RORB: variants seen among roughly 807,000 people sequenced by gnomAD.
RORB encodes the protein RAR related orphan receptor B, also known as nuclear receptor ROR-beta.
Under a neutral mutation model 59.1 loss-of-function variants are expected in RORB, and 6 were observed. That is an observed-to-expected ratio of 0.10 (90% CI 0.06 to 0.20). The LOEUF (loss-of-function observed/expected upper bound fraction) is 0.20. RORB is among the 10% of genes least tolerant of loss of function. RORB has a pLI of 1.00. For synonymous variants in RORB, 215 were observed against 204.5 expected, an observed-to-expected ratio of 1.05 and a Z score of -0.44; for missense variants, 320 against 560.5, an observed-to-expected ratio of 0.57 and a Z score of 4.33.
intron 1 of RORB, among the ~76,000 whole-genome samples, chr9:74,564,825 A>C (rs1016232734): frequency 6.6e-6 from 1 of 152,242 alleles, no homozygotes; most frequent in South Asian, 2.1e-4. Flanking sequence ...TGGGATCTCA[A>C]TTTCTCAGTT....
At chr9:74,580,006 G>T (rs1375808745) in intron 1 of RORB, among the ~76,000 whole-genome samples, 1 of 152,060 alleles carries the variant, frequency 6.6e-6, no homozygotes, top group Non-Finnish European at 1.5e-5. Flanking sequence ...TGTTATAATT[G>T]TTCTATTTTA....
At chr9:74,533,007 A>G (rs1448314599) in intron 1 of RORB, among the ~76,000 whole-genome samples, 1 of 151,706 alleles carries the variant, frequency 6.6e-6, no homozygotes, top group Non-Finnish European at 1.5e-5. Context: ...CCACTCCCAT[A>G]AGGCAGCACA....
intron 1 of RORB, among the ~76,000 whole-genome samples, chr9:74,546,955 A>G (rs1487373792): frequency 6.6e-6 from 1 of 152,092 alleles, no homozygotes; most frequent in African/African-American, 2.4e-5. Context: ...TTAGCCAGGC[A>G]TGGTGGCGCG....
chr9:74,517,060 T>G (rs1826020729), intron 1 of RORB, among the ~76,000 whole-genome samples: 1 of 151,966 alleles, frequency 6.6e-6, no homozygotes, highest in African/African-American at 2.4e-5. Context: ...CTTTTCAAGA[T>G]TCTTCCAAGA....
At chr9:74,646,363 T>G (rs892367642) in intron 4 of RORB, among the ~76,000 whole-genome samples, 1 of 152,094 alleles carries the variant, frequency 6.6e-6, no homozygotes, top group Non-Finnish European at 1.5e-5. Context: ...ATAACACAAC[T>G]ATATGAGCAA....
chr9:74,595,650 C>G (rs1008226272), intron 1 of RORB, among the ~76,000 whole-genome samples: 2 of 152,150 alleles, frequency 1.3e-5, no homozygotes, highest in African/African-American at 4.8e-5. Context: ...AATTGTTTTG[C>G]CGGTTTACCA....
intron 1 of RORB, among the ~76,000 whole-genome samples, chr9:74,616,698 C>T (rs1338852286): frequency 6.6e-6 from 1 of 152,080 alleles, no homozygotes; most frequent in Non-Finnish European, 1.5e-5. Flanking sequence ...GGGTCTGAAT[C>T]ACAATAAGCA....
At chr9:74,545,244 CA>C (rs1252699288) in intron 1 of RORB, among the ~76,000 whole-genome samples, 1 of 151,982 alleles carries the variant, frequency 6.6e-6, no homozygotes, top group Non-Finnish European at 1.5e-5. Flanking sequence ...TTTTGTGCCT[CA>C]AAAGAGATCT....
intron 1 of RORB, among the ~76,000 whole-genome samples, chr9:74,609,343 T>C (rs373036000): frequency 6.6e-6 from 1 of 152,236 alleles, no homozygotes. Context: ...CATTGCTTTT[T>C]TCTCCATCAT....
chr9:74,516,055 C>A (rs934110508), intron 1 of RORB, among the ~76,000 whole-genome samples: 2 of 152,048 alleles, frequency 1.3e-5, no homozygotes, highest in African/African-American at 4.8e-5. Context: ...CCTAGGGAGG[C>A]TAGTTACAAT....
intron 1 of RORB, among the ~76,000 whole-genome samples, chr9:74,553,912 T>C (rs2118172420): frequency 6.6e-6 from 1 of 152,282 alleles, no homozygotes; most frequent in East Asian, 1.9e-4. Context: ...ACTTTAGAAC[T>C]TGAAGATCTC....
chr9:74,580,508 G>A (rs897312747), intron 1 of RORB, among the ~76,000 whole-genome samples: 2 of 152,072 alleles, frequency 1.3e-5, no homozygotes, highest in South Asian at 2.1e-4. Flanking sequence ...AGTCTCATTG[G>A]TACACTAATT....
At chr9:74,574,745 C>T (rs1822605932) in intron 1 of RORB, among the ~76,000 whole-genome samples, 1 of 152,160 alleles carries the variant, frequency 6.6e-6, no homozygotes, top group Middle Eastern at 3.4e-3. Flanking sequence ...ACTAGTCATA[C>T]GATTGAGAAT....
chr9:74,499,763 G>A (rs974072367), intron 1 of RORB, among the ~76,000 whole-genome samples: 1 of 151,906 alleles, frequency 6.6e-6, no homozygotes, highest in Non-Finnish European at 1.5e-5. Context: ...GGTTTCCCCC[G>A]TCCCAGTCCA....
chr9:74,623,616 G>T (rs971608330), intron 1 of RORB, among the ~76,000 whole-genome samples: 5 of 152,082 alleles, frequency 3.3e-5, no homozygotes, highest in Non-Finnish European at 4.4e-5. Context: ...ACAGAACAGT[G>T]CTTCTCAAAC....
At position 74,674,570 on chromosome 9, in the gene RORB, A is replaced by G. The variant is rs541047211; in HGVS notation, c.1224+2669A>G. Among the ~76,000 whole-genome samples, 32 of 152,322 alleles carry G rather than the reference A, an allele frequency of 2.1e-4. No homozygotes were observed. In the East Asian group the frequency reaches 6.2e-3, roughly 29 times the overall value. Reference sequence around the variant, plus strand: ...CTTCATCTTGCAAGGGCAATCTCCAACACACTTTCTACATGCCTACTTCCT... The same window carrying G: ...CTTCATCTTGCAAGGGCAATCTCCAGCACACTTTCTACATGCCTACTTCCT... On this transcript the variant is annotated intron_variant, in intron 9 of 9. Transcript: ENST00000376896.
At chr9:74,678,585 G>T (rs1344962232) in intron 9 of RORB, among the ~76,000 whole-genome samples, 3 of 152,174 alleles carry the variant, frequency 2.0e-5, no homozygotes, top group Non-Finnish European at 2.9e-5. Context: ...CATTGGTAGT[G>T]CATTATCATT....
At chr9:74,632,722 T>G (rs1267629369) in intron 2 of RORB, among the ~76,000 whole-genome samples, 1 of 152,172 alleles carries the variant, frequency 6.6e-6, no homozygotes, top group Admixed American at 6.5e-5. Flanking sequence ...TAAGTAGCAC[T>G]AGAGTATCCA....
At chr9:74,542,343 G>A (rs968917288) in intron 1 of RORB, among the ~76,000 whole-genome samples, 3 of 152,114 alleles carry the variant, frequency 2.0e-5, no homozygotes, top group Admixed American at 6.6e-5. Flanking sequence ...AACACCAAAC[G>A]TATTTGCAAA....
Sources: gnomAD v4.1 joint callset for allele counts (sites outside exome capture counted in the v4.1 genomes callset) on GRCh38, gnomAD v4.1.1 for gene constraint, MANE v1.5 for transcripts, NCBI Gene and HGNC (gene_info 2026-07-23, HGNC 2026-07-21) for gene names.